Variants in POU2AF2 observed in about 807,000 individuals in gnomAD.
The protein encoded by POU2AF2 is POU class 2 homeobox associating factor 2, also known as POU domain class 2-associating factor 2.
chr11:111,283,058 C>CTTTTTTT, the POU2AF2 span, among the ~76,000 whole-genome samples: 2 of 118,456 alleles, frequency 1.7e-5, no homozygotes, highest in Non-Finnish European at 3.3e-5. Context: ...AAACTTTTTA[C>CTTTTTTT]TTTTTTTTTT....
At chr11:111,267,247 G>A in the POU2AF2 span, among the ~76,000 whole-genome samples, 4 of 152,138 alleles carry the variant, frequency 2.6e-5, no homozygotes, top group African/African-American at 9.7e-5. Context: ...TGCATCCAGT[G>A]GGGGGAATAT....
At chr11:111,280,065 T>A in the POU2AF2 span, among the ~76,000 whole-genome samples, 51 of 138,758 alleles carry the variant, frequency 3.7e-4, 1 homozygote, top group Middle Eastern at 3.6e-3. Flanking sequence ...AAAATATATA[T>A]ATATATATAT....
At chr11:111,284,066 T>C in the POU2AF2 span, 8 of 1,605,574 alleles carry the variant, frequency 5.0e-6, no homozygotes, top group East Asian at 2.2e-5. Context: ...TGTTTTTCAT[T>C]TGGCAACAGG....
the POU2AF2 span, among the ~76,000 whole-genome samples, chr11:111,246,465 G>A: frequency 2.6e-5 from 4 of 152,074 alleles, no homozygotes; most frequent in East Asian, 1.9e-4. Flanking sequence ...ACCTGTTCGC[G>A]AACAAATTTA....
At chr11:111,265,803 C>T in the POU2AF2 span, among the ~76,000 whole-genome samples, 1 of 151,344 alleles carries the variant, frequency 6.6e-6, no homozygotes, top group Non-Finnish European at 1.5e-5. Flanking sequence ...ATATAATATA[C>T]ATAAGTGAAA....
chr11:111,274,011 G>A, the POU2AF2 span, among the ~76,000 whole-genome samples: 1 of 152,102 alleles, frequency 6.6e-6, no homozygotes, highest in Non-Finnish European at 1.5e-5. Flanking sequence ...GTTATTTTTT[G>A]GAGGATTTGC....
the POU2AF2 span, among the ~76,000 whole-genome samples, chr11:111,278,851 T>A: frequency 6.6e-6 from 1 of 152,218 alleles, no homozygotes; most frequent in Non-Finnish European, 1.5e-5. Context: ...GCCAACTTTG[T>A]AATTGGTAAA....
At chr11:111,246,268 G>A in the POU2AF2 span, among the ~76,000 whole-genome samples, 1 of 152,172 alleles carries the variant, frequency 6.6e-6, no homozygotes, top group Non-Finnish European at 1.5e-5. Flanking sequence ...CATTCATATA[G>A]AACCTGAAAC....
the POU2AF2 span, among the ~76,000 whole-genome samples, chr11:111,268,483 TTTTATTTTA>T: frequency 9.0e-4 from 34 of 37,978 alleles, 2 homozygotes; most frequent in African/African-American, 3.9e-3. Context: ...TCTTTTTTTA[TTTTATTTTA>T]TTTTATTTTA....
At chr11:111,285,377 A>G in the POU2AF2 span, among the ~76,000 whole-genome samples, 5 of 152,218 alleles carry the variant, frequency 3.3e-5, no homozygotes, top group Non-Finnish European at 7.3e-5. Flanking sequence ...TGTTGCATAC[A>G]TGTGCATTTT....
At chr11:111,263,427 CTT>C in the POU2AF2 span, among the ~76,000 whole-genome samples, 13 of 96,138 alleles carry the variant, frequency 1.4e-4, no homozygotes, top group African/African-American at 4.7e-4. Context: ...TACTGAAGTT[CTT>C]TTTTTTTTTT....
chr11:111,276,445 AAAAAAAAAATAT>A, the POU2AF2 span, among the ~76,000 whole-genome samples: 6 of 29,698 alleles, frequency 2.0e-4, no homozygotes, highest in African/African-American at 2.7e-4. Context: ...AAAAGAAAAA[AAAAAAAAAATAT>A]ATATATATAT....
the POU2AF2 span, among the ~76,000 whole-genome samples, chr11:111,257,361 CT>C: frequency 0.076 from 10,705 of 141,510 alleles, 407 homozygotes; most frequent in Middle Eastern, 0.17. Flanking sequence ...TTTATGTTAT[CT>C]TTTTTTTTTT....
chr11:111,280,057 A>AATATAT, the POU2AF2 span, among the ~76,000 whole-genome samples: 47 of 76,500 alleles, frequency 6.1e-4, no homozygotes, highest in African/African-American at 2.3e-3. Context: ...AAAAAAAAAA[A>AATATAT]ATATATATAT....
chr11:111,258,217 A>G, the POU2AF2 span, among the ~76,000 whole-genome samples: 2 of 152,248 alleles, frequency 1.3e-5, no homozygotes, highest in Admixed American at 1.3e-4. Context: ...AATGAACCAC[A>G]GCTTCAAGTG....
At chr11:111,284,761 G>T in the POU2AF2 span, among the ~76,000 whole-genome samples, 2 of 152,182 alleles carry the variant, frequency 1.3e-5, no homozygotes, top group African/African-American at 4.8e-5. Context: ...GCAGTAATGA[G>T]ATGGATCATA....
chr11:111,269,524 T>C, the POU2AF2 span, among the ~76,000 whole-genome samples: 1 of 152,214 alleles, frequency 6.6e-6, no homozygotes, highest in Non-Finnish European at 1.5e-5. Flanking sequence ...GCAGGGTTTT[T>C]TTAATGTCAT....
At chr11:111,260,335 TA>T in the POU2AF2 span, among the ~76,000 whole-genome samples, 873 of 151,190 alleles carry the variant, frequency 5.8e-3, 8 homozygotes, top group African/African-American at 0.02. Flanking sequence ...TGTAATAGGT[TA>T]AAAAAAAATG....
chr11:111,249,029 C>T, the POU2AF2 span, among the ~76,000 whole-genome samples: 216 of 152,300 alleles, frequency 1.4e-3, 1 homozygote, highest in African/African-American at 5.0e-3. Flanking sequence ...TGCATGGACA[C>T]AAACACAGTC....
Sources: gnomAD v4.1 joint callset for allele counts (sites outside exome capture counted in the v4.1 genomes callset) on GRCh38, gnomAD v4.1.1 for gene constraint, MANE v1.5 for transcripts, NCBI Gene and HGNC (gene_info 2026-07-23, HGNC 2026-07-21) for gene names.